EHMT1: variants seen among roughly 807,000 people sequenced by gnomAD.
EHMT1 encodes euchromatic histone lysine methyltransferase 1.
In EHMT1, 15 loss-of-function variants were observed where a neutral mutation model predicts 147.2. The ratio of observed to expected loss-of-function variants is 0.10; its 90% CI spans 0.07 to 0.16. The LOEUF (loss-of-function observed/expected upper bound fraction) is 0.16. EHMT1 is among the 10% of genes least tolerant of loss of function. EHMT1 has a pLI of 1.00. For missense variants in EHMT1, 1,587 were observed against 1,772.4 expected, an observed-to-expected ratio of 0.90 and a Z score of 1.88; for synonymous variants, 795 against 709.6, an observed-to-expected ratio of 1.12 and a Z score of -1.91.
At chr9:137,706,141 A>T (rs1944253851) in intron 1 of EHMT1, among the ~76,000 whole-genome samples, 1 of 152,174 alleles carries the variant, frequency 6.6e-6, no homozygotes. Flanking sequence ...AGGGCAGGGC[A>T]TGCAGAGCCG....
chr9:137,697,951 G>A (rs1015861738), intron 1 of EHMT1, among the ~76,000 whole-genome samples: 2 of 151,410 alleles, frequency 1.3e-5, no homozygotes, highest in African/African-American at 2.5e-5. Flanking sequence ...GTGTGAGGGC[G>A]GCGTGGCTCG....
At chr9:137,793,349 G>A (rs1166122275) in intron 16 of EHMT1, among the ~76,000 whole-genome samples, 2 of 152,246 alleles carry the variant, frequency 1.3e-5, no homozygotes, top group Non-Finnish European at 2.9e-5. Context: ...AAGGTGTCCA[G>A]CATCACCAGC....
In EHMT1 at chr9:137,693,520, A is replaced by G. The variant is rs80199849; in HGVS notation, c.22-17447A>G. ...GGATTCGAATCTAGCCAGTCTATCA[A>G]GCTTTGCCTGTCACTTACCCACCAC... is the stretch of plus-strand genomic sequence containing the variant. On this transcript the variant is annotated intron_variant, in intron 1 of 26. Coordinates refer to ENST00000460843, the MANE Select transcript of EHMT1 (RefSeq NM_024757.5). 5.3e-3 allele frequency among the ~76,000 whole-genome samples: 802 copies of G among 152,194 alleles called. 10 individuals carry two copies. The highest frequency in any genetic ancestry group is 0.018 in the African/African-American group (759 of 41,478).
chr9:137,826,624 A>AG (rs777115901), intron 25 of EHMT1, among the ~76,000 whole-genome samples: 1 of 152,232 alleles, frequency 6.6e-6, no homozygotes, highest in Non-Finnish European at 1.5e-5. Context: ...TGGCTCATGG[A>AG]GGGACCCTGC....
At chr9:137,744,976 C>T (rs746993795) in intron 6 of EHMT1, among the ~76,000 whole-genome samples, 1 of 152,184 alleles carries the variant, frequency 6.6e-6, no homozygotes, top group Admixed American at 6.5e-5. Flanking sequence ...TTAGGAGTGA[C>T]GCATTTCATA....
At chr9:137,784,499 C>G in intron 15 of EHMT1, 1 of 944,960 alleles carries the variant, frequency 1.1e-6, no homozygotes. Flanking sequence ...TACAGACTTT[C>G]CACTTTTTGG....
At position 137,776,848 on chromosome 9, in the gene EHMT1, C is replaced by T. The variant is rs1185494966; in HGVS notation, c.2018+4C>T. 1.2e-6 allele frequency: 2 copies of T among 1,613,510 alleles called. No individual in the cohort carries two copies. The highest frequency in any genetic ancestry group is 2.2e-5 in the South Asian group (2 of 91,036). On this transcript the variant is annotated splice_donor_region_variant and intron_variant, in intron 12 of 26. Coordinates refer to ENST00000460843, the MANE Select transcript of EHMT1 (RefSeq NM_024757.5). The surrounding 1 kb of genome is among the most constrained non-coding windows in gnomAD (Gnocchi z 4.4). Reference sequence around the variant, plus strand: ...GGGCCGACACCACAACGGGCAGGTACCTGGCACAGGCTCTGGCTGGGCTCT... The same window carrying T: ...GGGCCGACACCACAACGGGCAGGTATCTGGCACAGGCTCTGGCTGGGCTCT...
At chr9:137,800,539 G>T in intron 17 of EHMT1, 1 of 273,082 alleles carries the variant, frequency 3.7e-6, no homozygotes. Flanking sequence ...CAGCTCCCGT[G>T]TGTGTGCCAT....
chr9:137,623,162 A>T (rs1349433586), intron 1 of EHMT1, among the ~76,000 whole-genome samples: 2 of 150,886 alleles, frequency 1.3e-5, no homozygotes, highest in African/African-American at 4.9e-5. Flanking sequence ...GTAGTGAGCC[A>T]AGATCATGCC....
chr9:137,652,496 C>T (rs1003024902), intron 1 of EHMT1, among the ~76,000 whole-genome samples: 1 of 151,886 alleles, frequency 6.6e-6, no homozygotes, highest in Admixed American at 6.6e-5. Flanking sequence ...GAGCAATTCT[C>T]CTGCCTCAGC....
Position 137,748,599 on chromosome 9 carries a change from G to A in EHMT1, c.1171-3732G>A, listed in dbSNP as rs551143347. Among the ~76,000 whole-genome samples the A allele has an allele frequency of 2.6e-5, 4 of 152,334 alleles. No individual in the cohort carries two copies. The South Asian group carries it at 8.3e-4, about 32-fold the overall frequency. On this transcript the variant is annotated intron_variant, in intron 6 of 26. Coordinates refer to ENST00000460843, the MANE Select transcript of EHMT1 (RefSeq NM_024757.5). ...TTGCCTTCTTCCCCACCGCCTCGGA[G>A]CATCCCCTCTGCTGTGCCGGCCACA...
At position 137,828,660 on chromosome 9, in the gene EHMT1, C is replaced by G. The variant is rs983384085; in HGVS notation, c.3541-5689C>G. ...GGCCCAAGTGACGCTTGGTGCAGAG[C>G]TGGAAGGTTCTCAGGGTGGGAGGAG... is the stretch of plus-strand genomic sequence containing the variant. On this transcript the variant is annotated intron_variant, in intron 25 of 26. Coordinates refer to ENST00000460843, the MANE Select transcript of EHMT1 (RefSeq NM_024757.5). The surrounding 1 kb of genome is among the most constrained non-coding windows in gnomAD (Gnocchi z 5.3). 6.6e-6 allele frequency among the ~76,000 whole-genome samples: 1 copy of G among 152,152 alleles called. No individual in the cohort carries two copies. Among genetic ancestry groups the G allele is most frequent in the African/African-American group, 2.4e-5 (1 of 41,442 alleles).
At chr9:137,667,592 G>T (rs1243259128) in intron 1 of EHMT1, 2 of 152,172 alleles carry the variant, frequency 1.3e-5, no homozygotes, top group African/African-American at 4.8e-5. Context: ...TTTTTTATTT[G>T]AAGAGAATTT....
At chr9:137,705,219 C>G (rs1331650878) in intron 1 of EHMT1, among the ~76,000 whole-genome samples, 1 of 152,074 alleles carries the variant, frequency 6.6e-6, no homozygotes, top group East Asian at 1.9e-4. Context: ...TCTTGAACTC[C>G]TGAGCTCAAG....
Position 137,787,568 on chromosome 9 carries a change from C to A in EHMT1, c.2383-3280C>A. ...CCAGCAAGGCTGCTGCCTGGTGTTT[C>A]GAGGCTGCTGTGGTCGCAGACAACC... On this transcript the variant is annotated intron_variant, in intron 15 of 26. Transcript: ENST00000460843. The surrounding 1 kb of genome is among the most constrained non-coding windows in gnomAD (Gnocchi z 4.2). 2.2e-6 allele frequency: 1 copy of A among 452,470 alleles called. No homozygotes were observed. 28.0% of individuals were successfully genotyped at this position (452,470 alleles called of 1,614,324 possible).
intron 15 of EHMT1, chr9:137,788,322 AG>A: frequency 2.6e-6 from 1 of 381,684 alleles, no homozygotes; most frequent in East Asian, 3.9e-5. Flanking sequence ...TGCAGCACTC[AG>A]GGGGCCCAGG....
intron 1 of EHMT1, among the ~76,000 whole-genome samples, chr9:137,621,826 A>G (rs769904842): frequency 5.9e-5 from 9 of 152,092 alleles, no homozygotes; most frequent in Non-Finnish European, 1.5e-5. Flanking sequence ...CAGGGTGGCT[A>G]CTATGTATCG....
intron 2 of EHMT1, among the ~76,000 whole-genome samples, chr9:137,715,371 T>A (rs112241515): frequency 1.3e-5 from 2 of 152,242 alleles, no homozygotes; most frequent in African/African-American, 4.8e-5. Flanking sequence ...AACACACACA[T>A]TAGATGCCAG....
intron 1 of EHMT1, among the ~76,000 whole-genome samples, chr9:137,635,833 AC>A (rs1271886536): frequency 6.6e-6 from 1 of 151,720 alleles, no homozygotes; most frequent in African/African-American, 2.4e-5. Flanking sequence ...ACAAAACAAA[AC>A]AAAAAACAAT....
Sources: gnomAD v4.1 joint callset for allele counts (sites outside exome capture counted in the v4.1 genomes callset) on GRCh38, gnomAD v4.1.1 for gene constraint, Gnocchi (gnomAD v3.1) non-coding constraint, MANE v1.5 for transcripts, NCBI Gene and HGNC (gene_info 2026-07-23, HGNC 2026-07-21) for gene names.